The following FBN1 variants were observed in gnomAD, a reference collection of about 807,000 sequenced individuals.
The protein encoded by FBN1 is fibrillin-1.
Under a neutral mutation model 365.1 loss-of-function variants are expected in FBN1, and 29 were observed. That is an observed-to-expected ratio of 0.08 (90% CI 0.06 to 0.11). The LOEUF (loss-of-function observed/expected upper bound fraction) is 0.11. Among genes scored for constraint, FBN1 ranks in the 10% least tolerant of loss-of-function variants. The pLI is 1.00. For missense variants in FBN1, 2,476 were observed against 3,703.2 expected (o/e 0.67, Z 8.60); for synonymous variants, 1,210 against 1,270.5 (o/e 0.95, Z 1.01).
intron 9 of FBN1, among the ~76,000 whole-genome samples, chr15:48,523,714 G>GA (rs200886868): frequency 8.6e-5 from 10 of 116,578 alleles, no homozygotes; most frequent in African/African-American, 2.1e-4. Context: ...GGTGGCTGGG[G>GA]GGGGGGGGGA....
chr15:48,525,981 G>T, intron 9 of FBN1, 149 bp downstream of exon 9: 1 of 1,001,406 alleles, frequency 1.0e-6, no homozygotes, highest in East Asian at 2.6e-5. Flanking sequence ...TTCTTTAAGA[G>T]GGCAGTCAAC....
intron 48 of FBN1, among the ~76,000 whole-genome samples, 173 bp downstream of exon 48, chr15:48,445,197 CATATAT>C (rs988204828): frequency 7.5e-6 from 1 of 133,810 alleles, no homozygotes; most frequent in Non-Finnish European, 1.6e-5. Context: ...TATATATATA[CATATAT>C]ATATGTGTAT....
chr15:48,470,513 A>T, intron 36 of FBN1, 121 bp downstream of exon 36: 2 of 1,343,880 alleles, frequency 1.5e-6, no homozygotes, highest in Non-Finnish European at 2.1e-6. Context: ...TGTGATTCTT[A>T]ATACTTCCCC....
chr15:48,454,665 CT>C (rs962675173), intron 44 of FBN1, among the ~76,000 whole-genome samples: 3 of 152,180 alleles, frequency 2.0e-5, no homozygotes, highest in Non-Finnish European at 4.4e-5. Context: ...CAGTTCTGGG[CT>C]TTTACACAGA....
At chr15:48,545,418 C>T (rs376677738) in intron 6 of FBN1, among the ~76,000 whole-genome samples, 2 of 151,882 alleles carry the variant, frequency 1.3e-5, no homozygotes, top group African/African-American at 4.8e-5. Flanking sequence ...ATATTGTGTA[C>T]GTGGAGGGTG....
chr15:48,640,214 T>C (rs1890174278), intron 2 of FBN1, among the ~76,000 whole-genome samples: 1 of 152,230 alleles, frequency 6.6e-6, no homozygotes, highest in Non-Finnish European at 1.5e-5. Context: ...AACCTCTATG[T>C]CTTCAATGTT....
intron 46 of FBN1, among the ~76,000 whole-genome samples, chr15:48,447,253 C>T (rs559387393): frequency 1.3e-3 from 196 of 152,280 alleles, no homozygotes; most frequent in Non-Finnish European, 2.3e-3. Context: ...CAGTGACTCA[C>T]CTGGCATTAC....
chr15:48,491,311 C>CA (rs60414682), intron 24 of FBN1, among the ~76,000 whole-genome samples: 1,887 of 151,822 alleles, frequency 0.012, 41 homozygotes, highest in African/African-American at 0.044. Context: ...CGTAAGTGAT[C>CA]AAAATCCTTC....
rs387906623 is a variant in FBN1, at chr15:48,460,258, C to T, written c.5284G>A (p.Gly1762Ser). The T allele has an allele frequency of 6.2e-7, 1 of 1,613,184 alleles. No individual in the cohort carries two copies. The highest frequency in any genetic ancestry group is 1.3e-5 in the African/African-American group (1 of 74,970). The change falls in exon 43 of 66, where the codon GGT (glycine) becomes AGT (serine). Residue 1762 changes from glycine to serine, a missense_variant. Physicochemically the swap from Gly to Ser is moderately conservative, Grantham distance 56. Coordinates refer to ENST00000316623, the MANE Select transcript of FBN1 (RefSeq NM_000138.5). ...CGTCATGACTCACCAACGGGTAAACCGGTATAAATGTCGATGACAAAGCCT... is the reference window on the plus strand; with the variant it reads ...CGTCATGACTCACCAACGGGTAAACTGGTATAAATGTCGATGACAAAGCCT... ...RPGFVIDIYT[G>S]LPVDIDECRE... is the part of the protein sequence containing the mutation.
intron 2 of FBN1, among the ~76,000 whole-genome samples, chr15:48,635,307 A>G (rs1242814801): frequency 6.6e-6 from 1 of 152,228 alleles, no homozygotes; most frequent in Non-Finnish European, 1.5e-5. Flanking sequence ...ACCAAAAAAA[A>G]GTCACTTAAG....
chr15:48,475,054 T>C (rs1004656886), intron 32 of FBN1, among the ~76,000 whole-genome samples: 5 of 152,068 alleles, frequency 3.3e-5, no homozygotes, highest in African/African-American at 1.2e-4. Context: ...ATATCTTGTA[T>C]AGACAAAAAA....
intron 2 of FBN1, among the ~76,000 whole-genome samples, chr15:48,628,140 T>C (rs528892502): frequency 6.6e-6 from 1 of 152,164 alleles, no homozygotes; most frequent in African/African-American, 2.4e-5. Context: ...CTGGCACACA[T>C]GCACATGCGC....
rs140628 is a variant in FBN1 at position 48,465,635 on chromosome 15, G to C, written c.4875C>G (p.Thr1625=). Residue 1625 remains threonine (T), a synonymous_variant, in exon 40 of 66, where the codon ACC becomes ACG. Coordinates refer to ENST00000316623, the MANE Select transcript of FBN1 (RefSeq NM_000138.5). The part of the protein sequence containing the change: ...GLCQGGKCIN[T]FGSFQCRCPT... ...GACAGCGGCACTGGAAACTCCCAAA[G>C]GTGTTGATACATTTTCCTCCTTGGC... 3.2e-5 allele frequency: 51 copies of C among 1,613,950 alleles called. 1 individual carries two copies. Among genetic ancestry groups the C allele is most frequent in the East Asian group, 2.9e-4 (13 of 44,890 alleles).
chr15:48,431,483 TTATAA>T (rs1445347780), intron 55 of FBN1, among the ~76,000 whole-genome samples: 1 of 152,072 alleles, frequency 6.6e-6, no homozygotes, highest in Non-Finnish European at 1.5e-5. Flanking sequence ...CCTCATGTAA[TTATAA>T]TATAATGGAT....
intron 32 of FBN1, among the ~76,000 whole-genome samples, chr15:48,480,414 C>T (rs1327117762): frequency 6.6e-6 from 1 of 151,970 alleles, no homozygotes; most frequent in Non-Finnish European, 1.5e-5. Flanking sequence ...CCATTTGTAC[C>T]GAGAGGCCGT....
intron 49 of FBN1, among the ~76,000 whole-genome samples, chr15:48,443,041 A>C (rs1399813117): frequency 6.6e-6 from 1 of 152,212 alleles, no homozygotes; most frequent in Admixed American, 6.5e-5. Context: ...TCTTGACTTA[A>C]TATTGTAAAT....
intron 6 of FBN1, among the ~76,000 whole-genome samples, chr15:48,577,633 G>T (rs73394256): frequency 6.6e-6 from 1 of 151,960 alleles, no homozygotes; most frequent in Non-Finnish European, 1.5e-5. Context: ...AATAAACAAA[G>T]CCTGTTATTT....
intron 6 of FBN1, among the ~76,000 whole-genome samples, chr15:48,561,750 G>A (rs1266168632): frequency 1.3e-5 from 2 of 152,100 alleles, no homozygotes; most frequent in African/African-American, 2.4e-5. Flanking sequence ...CTAATTTAGC[G>A]TATGTTTTTA....
At chr15:48,420,437 T>A (rs2042931298) in intron 63 of FBN1, among the ~76,000 whole-genome samples, 1 of 152,182 alleles carries the variant, frequency 6.6e-6, no homozygotes, top group African/African-American at 2.4e-5. Context: ...GGGTGGAGGA[T>A]ATTGCGCTTC....
Sources: gnomAD v4.1 joint callset for allele counts (sites outside exome capture counted in the v4.1 genomes callset) on GRCh38, gnomAD v4.1.1 for gene constraint, MANE v1.5 for transcripts, NCBI Gene and HGNC (gene_info 2026-07-23, HGNC 2026-07-21) for gene names.